STK32B: variants seen among roughly 807,000 people sequenced by gnomAD.
STK32B encodes the protein serine/threonine kinase 32B.
A neutral mutation model predicts 52.6 loss-of-function variants in STK32B; 43 were observed. The observed-to-expected ratio is 0.82, with a 90% CI of 0.64 to 1.05. The LOEUF (loss-of-function observed/expected upper bound fraction) is 1.05, where lower values mean the gene tolerates loss of function less well. Ranked by LOEUF, STK32B falls within the 50% of genes least tolerant of loss-of-function variation. The pLI, the probability that STK32B is intolerant of heterozygous loss-of-function variation, is 0.00. For synonymous variants in STK32B, 238 were observed against 204.3 expected (o/e 1.17, Z -1.41); for missense variants, 621 against 534.6 (o/e 1.16, Z -1.59).
chr4:5,193,882 A>G (rs189859246), intron 3 of STK32B, among the ~76,000 whole-genome samples: 1 of 152,324 alleles, frequency 6.6e-6, no homozygotes, highest in East Asian at 1.9e-4. Context: ...CATCCTTCAG[A>G]GACATCTGTG....
chr4:5,294,234 T>C (rs527654085), intron 3 of STK32B, among the ~76,000 whole-genome samples: 1 of 152,320 alleles, frequency 6.6e-6, no homozygotes, highest in South Asian at 2.1e-4. Context: ...TGCCTCCAGC[T>C]TTGTTCTTTT....
intron 11 of STK32B, among the ~76,000 whole-genome samples, chr4:5,479,568 A>G (rs1300453091): frequency 6.6e-6 from 1 of 152,166 alleles, no homozygotes; most frequent in African/African-American, 2.4e-5. Context: ...CTCCATTTCA[A>G]TTCTATGTGA....
At chr4:5,188,838 G>GT (rs34112875) in intron 3 of STK32B, among the ~76,000 whole-genome samples, 44,822 of 133,356 alleles carry the variant, frequency 0.34, 7,686 homozygotes, top group East Asian at 0.55. Context: ...ACAGGGCAGG[G>GT]AACATCACAC....
chr4:5,383,759 C>G (rs1223460764), intron 4 of STK32B, among the ~76,000 whole-genome samples: 2 of 152,158 alleles, frequency 1.3e-5, no homozygotes, highest in Non-Finnish European at 2.9e-5. Flanking sequence ...AGTCCTGGAC[C>G]TCTGGGGCTG....
At chr4:5,417,675 T>C (rs1273526229) in intron 6 of STK32B, among the ~76,000 whole-genome samples, 1 of 152,246 alleles carries the variant, frequency 6.6e-6, no homozygotes, top group Non-Finnish European at 1.5e-5. Flanking sequence ...TTTCAGGTCT[T>C]ATATAATTTT....
chr4:5,170,632 C>T (rs970272318), intron 3 of STK32B, among the ~76,000 whole-genome samples: 1 of 152,196 alleles, frequency 6.6e-6, no homozygotes, highest in Non-Finnish European at 1.5e-5. Flanking sequence ...CTACAAAGGA[C>T]ATGAACTCAT....
At chr4:5,479,672 T>G (rs116219706) in intron 11 of STK32B, among the ~76,000 whole-genome samples, 6,333 of 152,220 alleles carry the variant, frequency 0.042, 420 homozygotes, top group African/African-American at 0.14. Flanking sequence ...CTGGGTCTCT[T>G]CCAGGGATTC....
In STK32B at chr4:5,364,953, G is replaced by A. The variant is rs1372893059; in HGVS notation, c.435-33254G>A. On this transcript the variant is annotated intron_variant, in intron 4 of 11. Transcript: ENST00000282908. ...TGCAATGGTGCAATCTCGGCCCACT[G>A]CAACCTCTACCTCCTGGGTCCAAGC... Among the ~76,000 whole-genome samples, 4 of 152,254 alleles carry A rather than the reference G, an allele frequency of 2.6e-5. No individual in the cohort carries two copies. The East Asian group carries it at 7.7e-4, about 29-fold the overall frequency.
rs372270846 is a variant in STK32B, at chr4:5,429,791, A to G, written c.562+12857A>G. Among the ~76,000 whole-genome samples, 70 of 152,240 alleles carry G rather than the reference A, an allele frequency of 4.6e-4. No homozygotes were observed. In the East Asian group the frequency reaches 7.7e-3, roughly 17 times the overall value. On this transcript the variant is annotated intron_variant, in intron 6 of 11. Transcript: ENST00000282908. ...TTCTTTCTTTTTTTGGTTTGCTTAT[A>G]TAAGGAAAAGAATCTTTATTTCCTT...
At chr4:5,267,769 T>C (rs1318326000) in intron 3 of STK32B, among the ~76,000 whole-genome samples, 1 of 152,200 alleles carries the variant, frequency 6.6e-6, no homozygotes, top group Non-Finnish European at 1.5e-5. Flanking sequence ...CATTTATTAT[T>C]GTAAATGGCA....
chr4:5,067,431 C>T (rs958825350), intron 1 of STK32B, among the ~76,000 whole-genome samples: 28 of 152,090 alleles, frequency 1.8e-4, no homozygotes, highest in Non-Finnish European at 1.5e-4. Context: ...CTGTGGGCCC[C>T]ACTGCTTTAG....
At chr4:5,447,688 A>C (rs1158390141) in intron 7 of STK32B, among the ~76,000 whole-genome samples, 1 of 152,198 alleles carries the variant, frequency 6.6e-6, no homozygotes, top group Non-Finnish European at 1.5e-5. Flanking sequence ...ATTTCTTTGC[A>C]CAAGTATCAT....
chr4:5,446,037 C>T (rs563748165), intron 6 of STK32B, among the ~76,000 whole-genome samples: 3 of 152,314 alleles, frequency 2.0e-5, no homozygotes, highest in Admixed American at 1.3e-4. Context: ...TTACCCCACC[C>T]GTTCTCCCAG....
intron 3 of STK32B, among the ~76,000 whole-genome samples, chr4:5,275,462 C>T (rs1420388122): frequency 2.0e-5 from 3 of 152,168 alleles, no homozygotes; most frequent in African/African-American, 4.8e-5. Flanking sequence ...CTCTCTCACC[C>T]AGCCAGGGAA....
chr4:5,091,405 A>G (rs1177371332), intron 1 of STK32B, among the ~76,000 whole-genome samples: 5 of 152,182 alleles, frequency 3.3e-5, no homozygotes, highest in African/African-American at 1.2e-4. Flanking sequence ...CAATTTTAAA[A>G]TGAAAAAAGG....
chr4:5,457,743 C>T (rs1486649652), intron 8 of STK32B, among the ~76,000 whole-genome samples: 1 of 151,666 alleles, frequency 6.6e-6, no homozygotes. Context: ...GTAGGTGGCA[C>T]ATGCCTGTAA....
At chr4:5,491,755 A>G (rs1370109997) in intron 11 of STK32B, among the ~76,000 whole-genome samples, 2 of 151,710 alleles carry the variant, frequency 1.3e-5, no homozygotes, top group Non-Finnish European at 3.0e-5. Context: ...TAATTTTTGT[A>G]TAAGGTGTAA....
In STK32B at chr4:5,400,088, C is replaced by G. The variant is rs1327327088; in HGVS notation, c.472+1844C>G. Among the ~76,000 whole-genome samples the G allele has an allele frequency of 5.3e-5, 8 of 152,186 alleles. No homozygotes were observed. Among genetic ancestry groups the G allele is most frequent in the Non-Finnish European group, 1.2e-4 (8 of 68,024 alleles). ...AGACAGAAACATCAATAGCAATAAG[C>G]TAGCCATTGCACTGATGAGGAAAAG... On this transcript the variant is annotated intron_variant, in intron 5 of 11. Coordinates refer to ENST00000282908, the MANE Select transcript of STK32B (RefSeq NM_018401.3). This position sits in a 1 kb window ranked among gnomAD's most constrained non-coding sequence, Gnocchi z 6.1.
chr4:5,288,558 ATTGT>A (rs1377178037), intron 3 of STK32B, among the ~76,000 whole-genome samples: 4 of 152,026 alleles, frequency 2.6e-5, no homozygotes, highest in African/African-American at 7.2e-5. Context: ...GTCTTTTGAA[ATTGT>A]TTGCCTATTT....
Sources: gnomAD v4.1 joint callset for allele counts (sites outside exome capture counted in the v4.1 genomes callset) on GRCh38, gnomAD v4.1.1 for gene constraint, Gnocchi (gnomAD v3.1) non-coding constraint, MANE v1.5 for transcripts, NCBI Gene and HGNC (gene_info 2026-07-23, HGNC 2026-07-21) for gene names.